CNST: variants seen among roughly 807,000 people sequenced by gnomAD.
The protein encoded by CNST is consortin.
A neutral mutation model predicts 72.4 loss-of-function variants in CNST; 39 were observed. That is an observed-to-expected ratio of 0.54 (90% CI 0.42 to 0.70). The LOEUF is 0.70. Among genes scored for constraint, CNST ranks in the 30% least tolerant of loss-of-function variants. CNST has a pLI of 0.00. For synonymous variants in CNST, 332 were observed against 320.1 expected, an observed-to-expected ratio of 1.04 and a Z score of -0.40; for missense variants, 871 against 868.5, an observed-to-expected ratio of 1.00 and a Z score of -0.04.
Position 246,647,865 on chromosome 1 carries a change from G to A in CNST, c.1664G>A (p.Cys555Tyr). 6.2e-7 allele frequency: 1 copy of A among 1,614,174 alleles called. No homozygotes were observed. The highest frequency in any genetic ancestry group is 1.7e-5 in the Admixed American group (1 of 60,022). Residue 555 changes from cysteine (C) to tyrosine (Y), a missense_variant, in exon 9 of 11, where the codon TGT becomes TAT. By Grantham distance (194) the Cys-to-Tyr change is radical. Coordinates refer to ENST00000366513, the MANE Select transcript of CNST (RefSeq NM_152609.3). ...TATTTGAACAGCCTTTTAGAAGGAT[G>A]TTTAAAAGATACTGAAGATTCCCTT... ...EDYLNSLLEG[C>Y]LKDTEDSLSY...
chr1:246,573,735 A>T (rs1445555707), intron 1 of CNST, among the ~76,000 whole-genome samples: 4 of 151,036 alleles, frequency 2.6e-5, no homozygotes, highest in Non-Finnish European at 5.9e-5. Context: ...GAGGAAACAT[A>T]TTCTAAGAAT....
intron 2 of CNST, among the ~76,000 whole-genome samples, chr1:246,592,415 G>A (rs1661601813): frequency 6.6e-6 from 1 of 152,274 alleles, no homozygotes. Context: ...TTGAACCTGG[G>A]AGGCGGAGGT....
chr1:246,633,771 A>G (rs550481267), intron 4 of CNST, among the ~76,000 whole-genome samples, 153 bp from the exon 5 acceptor site: 15 of 152,208 alleles, frequency 9.9e-5, no homozygotes, highest in South Asian at 4.2e-4. Flanking sequence ...AGAGAGAAAC[A>G]TTACTTTAGA....
At chr1:246,641,900 G>A (rs1469663590) in intron 7 of CNST, 41 bp from the exon 8 acceptor site, 2 of 1,505,186 alleles carry the variant, frequency 1.3e-6, no homozygotes, top group Admixed American at 3.7e-5. Flanking sequence ...TAATACAACA[G>A]TTTCCCCAAA....
At chr1:246,660,477 G>T (rs1434278107) in intron 10 of CNST, 143 bp downstream of exon 10, 5 of 805,450 alleles carry the variant, frequency 6.2e-6, no homozygotes, top group Non-Finnish European at 9.6e-6. Context: ...TGTAATCCCA[G>T]CACTTTAGGA....
chr1:246,613,660 T>TCCCTCA (rs141558989), intron 2 of CNST, among the ~76,000 whole-genome samples: 1 of 13,256 alleles, frequency 7.5e-5, no homozygotes, highest in African/African-American at 3.6e-4. Flanking sequence ...TCTCTCTCTC[T>TCCCTCA]CCTCCTCTCT....
At chr1:246,657,150 C>T (rs1398646573) in intron 9 of CNST, among the ~76,000 whole-genome samples, 1 of 151,952 alleles carries the variant, frequency 6.6e-6, no homozygotes, top group African/African-American at 2.4e-5. Context: ...GTTGGACTGC[C>T]CTGAAGTGGT....
At chr1:246,587,870 G>T (rs1051785630) in intron 1 of CNST, among the ~76,000 whole-genome samples, 3 of 152,104 alleles carry the variant, frequency 2.0e-5, no homozygotes, top group Admixed American at 6.6e-5. Context: ...CACTTTATCT[G>T]CCCCAAGGTT....
intron 1 of CNST, among the ~76,000 whole-genome samples, chr1:246,580,482 A>C (rs1660710124): frequency 1.3e-5 from 2 of 152,142 alleles, no homozygotes. Flanking sequence ...CAGTTATGAA[A>C]TTGCACTTCT....
chr1:246,637,938 T>G (rs6704469), intron 6 of CNST, among the ~76,000 whole-genome samples: 8,689 of 152,238 alleles, frequency 0.057, 347 homozygotes, highest in Middle Eastern at 0.092. Context: ...GAAGTCTACC[T>G]GCCAATCTTG....
intron 9 of CNST, among the ~76,000 whole-genome samples, chr1:246,656,461 A>G (rs1257183387): frequency 1.3e-5 from 2 of 152,212 alleles, no homozygotes; most frequent in Non-Finnish European, 2.9e-5. Flanking sequence ...ACCCGTAACA[A>G]TTACATTAAT....
intron 1 of CNST, among the ~76,000 whole-genome samples, chr1:246,569,196 T>G (rs1158446984): frequency 6.6e-6 from 1 of 152,176 alleles, no homozygotes. Flanking sequence ...ATTAAGAAAG[T>G]AAAAAGAAAC....
intron 2 of CNST, among the ~76,000 whole-genome samples, chr1:246,608,659 C>G (rs1402943504): frequency 1.3e-5 from 2 of 152,186 alleles, no homozygotes; most frequent in African/African-American, 4.8e-5. Flanking sequence ...CGTGGGTTAC[C>G]TGCTTTTACA....
chr1:246,613,468 T>G (rs1211584010), intron 2 of CNST, among the ~76,000 whole-genome samples: 3 of 151,936 alleles, frequency 2.0e-5, no homozygotes, highest in South Asian at 2.1e-4. Flanking sequence ...TGGCATAACC[T>G]TCTCTCAGAT....
At chr1:246,622,135 C>T (rs879317113) in intron 3 of CNST, among the ~76,000 whole-genome samples, 6 of 152,240 alleles carry the variant, frequency 3.9e-5, no homozygotes, top group Non-Finnish European at 8.8e-5. Flanking sequence ...ATGGCCACAT[C>T]TTGGCCTTGG....
intron 1 of CNST, among the ~76,000 whole-genome samples, chr1:246,571,289 C>T (rs548162684): frequency 3.9e-4 from 60 of 152,272 alleles, no homozygotes; most frequent in African/African-American, 1.4e-3. Context: ...GCTGAGATTA[C>T]AGGCGTGTGC....
intron 9 of CNST, among the ~76,000 whole-genome samples, chr1:246,648,415 A>T (rs1029995344): frequency 3.3e-5 from 5 of 152,182 alleles, no homozygotes; most frequent in African/African-American, 1.2e-4. Context: ...ATAAAATATG[A>T]TATGTACTTA....
intron 8 of CNST, among the ~76,000 whole-genome samples, chr1:246,642,409 T>G (rs1033259501): frequency 6.6e-6 from 1 of 152,114 alleles, no homozygotes; most frequent in African/African-American, 2.4e-5. Context: ...AAACCAACAG[T>G]TATTGTATAC....
rs1256068970 is a variant in CNST, at chr1:246,647,146, A to G, written c.945A>G (p.Lys315=). 1.2e-6 allele frequency: 2 copies of G among 1,608,444 alleles called. No individual in the cohort carries two copies. Among genetic ancestry groups the G allele is most frequent in the Non-Finnish European group, 1.7e-6 (2 of 1,177,776 alleles). Residue 315 remains lysine (K), a synonymous_variant, in exon 9 of 11, where the codon AAA becomes AAG. Coordinates refer to ENST00000366513, the MANE Select transcript of CNST (RefSeq NM_152609.3). ...ATTTTTCTTCATCTTTAGAGAGTAA[A>G]ACTTGTCTCGGCACAGAGTCAAGTA... ...GGATTKESES[K]TCLGTESSKE...
Sources: gnomAD v4.1 joint callset for allele counts (sites outside exome capture counted in the v4.1 genomes callset) on GRCh38, gnomAD v4.1.1 for gene constraint, MANE v1.5 for transcripts, NCBI Gene and HGNC (gene_info 2026-07-23, HGNC 2026-07-21) for gene names.